ATF7: variants seen among roughly 807,000 people sequenced by gnomAD.
The protein encoded by ATF7 is cyclic AMP-dependent transcription factor ATF-7.
In ATF7, 10 loss-of-function variants were observed where a neutral mutation model predicts 50.4. The ratio of observed to expected loss-of-function variants is 0.20; its 90% confidence interval spans 0.12 to 0.34. The LOEUF is 0.34. Among genes scored for constraint, ATF7 ranks in the 10% least tolerant of loss-of-function variants. The pLI is 1.00. For synonymous variants in ATF7, 201 were observed against 226.4 expected, an observed-to-expected ratio of 0.89 and a Z score of 1.01; for missense variants, 465 against 613.9, an observed-to-expected ratio of 0.76 and a Z score of 2.56.
chr12:53,561,326 C>CT (rs1211826902), intron 2 of ATF7, among the ~76,000 whole-genome samples: 1 of 41,688 alleles, frequency 2.4e-5, no homozygotes, highest in Admixed American at 2.5e-4. Flanking sequence ...AAGACTGTCT[C>CT]TTTAAAAAAA....
chr12:53,601,083 A>G, intron 1 of ATF7, 62 bp from the exon 2 acceptor site: 1 of 1,147,104 alleles, frequency 8.7e-7, no homozygotes, highest in Non-Finnish European at 1.2e-6. Flanking sequence ...AAAAAAAAAA[A>G]AGTGCTTCAA....
chr12:53,565,424 A>T (rs1427860949), intron 2 of ATF7, among the ~76,000 whole-genome samples: 2 of 146,548 alleles, frequency 1.4e-5, no homozygotes, highest in East Asian at 4.1e-4. Context: ...ATTCCTAAAC[A>T]CCATAGTCAA....
chr12:53,527,493 A>G (rs1011785021), intron 9 of ATF7, among the ~76,000 whole-genome samples: 2 of 149,860 alleles, frequency 1.3e-5, no homozygotes, highest in Non-Finnish European at 3.0e-5. Flanking sequence ...AAAAACAAAT[A>G]AAAAAAAGAT....
chr12:53,540,274 T>G (rs1939463092), intron 4 of ATF7, among the ~76,000 whole-genome samples: 1 of 147,452 alleles, frequency 6.8e-6, no homozygotes, highest in African/African-American at 2.5e-5. Context: ...TCACTTGAAC[T>G]CAGGAGGTGG....
At chr12:53,601,091 C>A in intron 1 of ATF7, 70 bp from the exon 2 acceptor site, 3 of 1,091,854 alleles carry the variant, frequency 2.7e-6, no homozygotes, top group Non-Finnish European at 2.7e-6. Flanking sequence ...AAAAGTGCTT[C>A]AAAAATATCA....
At position 53,596,110 on chromosome 12, in the gene ATF7, T is replaced by C. The variant is rs73316985; in HGVS notation, c.48+4843A>G. Among the ~76,000 whole-genome samples, 223 of 152,104 alleles carry C rather than the reference T, an allele frequency of 1.5e-3. 1 individual carries two copies. Among genetic ancestry groups the C allele is most frequent in the African/African-American group, 4.5e-3 (188 of 41,478 alleles). On this transcript the variant is annotated intron_variant, in intron 2 of 11. Transcript: ENST00000420353. Reference sequence around the variant, plus strand: ...AGTCAGGAGTTCGAGACCAGCCTGATCAACATGGCGAAACCTGTCTCTACT... The same window carrying C: ...AGTCAGGAGTTCGAGACCAGCCTGACCAACATGGCGAAACCTGTCTCTACT...
chr12:53,532,499 G>C lies in ATF7; in HGVS notation c.774+11C>G, dbSNP rs762355708. ...AAAGGCCAACATTGCCCCAGACTGGGATGTACTCACCATCTTGGCTTCTGA... is the reference window on the plus strand; with the variant it reads ...AAAGGCCAACATTGCCCCAGACTGGCATGTACTCACCATCTTGGCTTCTGA... On this transcript the variant is annotated intron_variant, in intron 8 of 11. Transcript: ENST00000420353. The C allele has an allele frequency of 1.3e-6, 2 of 1,563,788 alleles. No individual in the cohort carries two copies. Among genetic ancestry groups the C allele is most frequent in the Non-Finnish European group, 8.7e-7 (1 of 1,146,186 alleles).
Position 53,524,597 on chromosome 12 carries a change from G to A in ATF7, c.1092C>T (p.Ala364=), listed in dbSNP as rs1009306372. The change falls in exon 10 of 12, where the codon GCC becomes GCT. Residue 364 remains alanine (A), a synonymous_variant. Transcript: ENST00000420353. This position sits in a 1 kb window ranked among gnomAD's most constrained non-coding sequence, Gnocchi z 4.6. ...GAATGTTCTGAGAAGTGAGTTCTTC[G>A]GCCTTCTTCTCTAGGGAGGACACCC... ...KLWVSSLEKK[A]EELTSQNIQL... 28 of 1,613,736 alleles carry A rather than the reference G, an allele frequency of 1.7e-5. No homozygotes were observed. The Admixed American group carries it at 4.2e-4, about 24-fold the overall frequency.
At chr12:53,533,124 G>A in intron 7 of ATF7, 36 bp downstream of exon 7, 1 of 1,525,700 alleles carries the variant, frequency 6.6e-7, no homozygotes. Flanking sequence ...GGATTACCAT[G>A]TTGGTAGGGT....
At chr12:53,548,413 C>A (rs1024163934) in intron 3 of ATF7, among the ~76,000 whole-genome samples, 1 of 152,078 alleles carries the variant, frequency 6.6e-6, no homozygotes, top group Admixed American at 6.6e-5. Context: ...CTCACTGTAA[C>A]CTCAATCTCT....
intron 9 of ATF7, among the ~76,000 whole-genome samples, chr12:53,527,882 C>T (rs926500614): frequency 2.0e-5 from 3 of 151,870 alleles, no homozygotes; most frequent in Admixed American, 6.6e-5. Flanking sequence ...TGCTGTGTCA[C>T]CCAGGCTGGA....
rs1265540668 is a variant in ATF7 at position 53,516,026 on chromosome 12, A to G, written c.*1111T>C. 6.6e-6 allele frequency: 1 copy of G among 152,200 alleles called. No individual in the cohort carries two copies. The highest frequency in any genetic ancestry group is 1.5e-5 in the Non-Finnish European group (1 of 68,064). The allele number at this position is 152,200 out of a possible 1,614,324, so 9.4% of individuals were successfully genotyped here. On this transcript the variant is annotated 3_prime_UTR_variant, in exon 12 of 12. Coordinates refer to ENST00000420353, the MANE Select transcript of ATF7 (RefSeq NM_006856.3). The stretch of plus-strand genomic sequence containing the variant: ...GGAACTCGAGAGTCCCCTACATGAC[A>G]GCCTCCAGGAGGGCTGAGTCTGAAG...
chr12:53,542,191 C>T (rs1428846995), intron 4 of ATF7, among the ~76,000 whole-genome samples: 2 of 148,232 alleles, frequency 1.3e-5, no homozygotes, highest in Admixed American at 6.7e-5. Context: ...TTTGGGAGGC[C>T]GAGGTGAGCA....
At chr12:53,574,770 T>C in intron 2 of ATF7, 1 of 210,368 alleles carries the variant, frequency 4.8e-6, no homozygotes, top group Non-Finnish European at 9.4e-6. Context: ...AGGGGAAGCT[T>C]ATAACCAGTA....
rs151215325 is a variant in ATF7 at position 53,535,882 on chromosome 12, G to A, written c.403-1223C>T. Among the ~76,000 whole-genome samples, 11 of 152,156 alleles carry A rather than the reference G, an allele frequency of 7.2e-5. No individual in the cohort carries two copies. In the East Asian group the frequency reaches 2.1e-3, roughly 29 times the overall value. ...ACAAAATGACTTTTAGGCTGGGTGCGGTGCTCACGTCTGTAATCGCAGCAC... is the reference window on the plus strand; with the variant it reads ...ACAAAATGACTTTTAGGCTGGGTGCAGTGCTCACGTCTGTAATCGCAGCAC... On this transcript the variant is annotated intron_variant, in intron 5 of 11. Transcript: ENST00000420353.
intron 2 of ATF7, among the ~76,000 whole-genome samples, chr12:53,588,224 C>T (rs551073043): frequency 6.6e-6 from 1 of 152,290 alleles, no homozygotes; most frequent in Admixed American, 6.5e-5. Flanking sequence ...TATATTTTCA[C>T]TTGTGATGAT....
rs1317338427 is a variant in ATF7, at chr12:53,543,145, A to C, written c.264+185T>G. On this transcript the variant is annotated intron_variant, in intron 4 of 11. Coordinates refer to ENST00000420353, the MANE Select transcript of ATF7 (RefSeq NM_006856.3). ...GACGACAGACTTGTGCTGATCCATC[A>C]TCTGGAACTCCTAAAGACCTGAATG... is the stretch of plus-strand genomic sequence containing the variant. The C allele has an allele frequency of 4.1e-5, 61 of 1,490,766 alleles. 1 individual carries two copies. Among genetic ancestry groups the C allele is most frequent in the Non-Finnish European group, 4.9e-5 (55 of 1,124,762 alleles). 92.3% of individuals were successfully genotyped at this position (1,490,766 alleles called of 1,614,324 possible).
chr12:53,526,960 A>G (rs1253777917), intron 9 of ATF7, among the ~76,000 whole-genome samples: 1 of 149,846 alleles, frequency 6.7e-6, no homozygotes, highest in East Asian at 2.0e-4. Context: ...GAAGTTCAAG[A>G]CCAGCCTGGC....
intron 11 of ATF7, among the ~76,000 whole-genome samples, chr12:53,520,095 A>G (rs1938021780): frequency 6.6e-6 from 1 of 152,116 alleles, no homozygotes; most frequent in Non-Finnish European, 1.5e-5. Flanking sequence ...TGATTTACAG[A>G]ATACCACATT....
Sources: gnomAD v4.1 joint callset for allele counts (sites outside exome capture counted in the v4.1 genomes callset) on GRCh38, gnomAD v4.1.1 for gene constraint, Gnocchi (gnomAD v3.1) non-coding constraint, MANE v1.5 for transcripts, NCBI Gene and HGNC (gene_info 2026-07-23, HGNC 2026-07-21) for gene names.